Variants in FTO observed in about 807,000 individuals in gnomAD.
The protein encoded by FTO is FTO alpha-ketoglutarate dependent dioxygenase, also known as alpha-ketoglutarate-dependent dioxygenase FTO.
In FTO, 47 loss-of-function variants were observed where a neutral mutation model predicts 63.9. The observed-to-expected ratio is 0.74, with a 90% CI of 0.58 to 0.94. The LOEUF is 0.94. FTO is among the 40% of genes least tolerant of loss of function. The probability of loss-of-function intolerance (pLI) is 0.00; values close to 1 mark genes in which losing one functional copy is unlikely to be tolerated. For synonymous variants in FTO, 207 were observed against 224.4 expected, an observed-to-expected ratio of 0.92 and a Z score of 0.69; for missense variants, 562 against 618.1, an observed-to-expected ratio of 0.91 and a Z score of 0.96.
At chr16:53,853,156 C>G (rs546343352) in intron 4 of FTO, among the ~76,000 whole-genome samples, 3 of 152,036 alleles carry the variant, frequency 2.0e-5, no homozygotes, top group African/African-American at 4.8e-5. Context: ...AGCCAGGTGT[C>G]GTGGCAGGCA....
intron 8 of FTO, among the ~76,000 whole-genome samples, chr16:54,087,901 G>A (rs2144540302): frequency 6.6e-6 from 1 of 152,328 alleles, no homozygotes; most frequent in South Asian, 2.1e-4. Context: ...TTCTTGCTAA[G>A]TTCCCAGAAT....
chr16:54,107,460 CTTGTTT>C (rs2086782565), intron 8 of FTO, among the ~76,000 whole-genome samples: 1 of 152,196 alleles, frequency 6.6e-6, no homozygotes, highest in African/African-American at 2.4e-5. Context: ...CCAGCATTCT[CTTGTTT>C]TCTGGGCAGA....
chr16:53,917,590 G>T (rs935949728), intron 7 of FTO, among the ~76,000 whole-genome samples: 3 of 151,516 alleles, frequency 2.0e-5, no homozygotes, highest in African/African-American at 7.3e-5. Context: ...TGTGTTTTAG[G>T]TAGTCATTGT....
chr16:53,740,278 G>A lies in FTO; in HGVS notation c.45+36049G>A, dbSNP rs140577039. Among the ~76,000 whole-genome samples the A allele has an allele frequency of 1.9e-3, 282 of 152,260 alleles. 2 individuals are homozygous for A. The highest frequency in any genetic ancestry group is 9.1e-3 in the South Asian group (44 of 4,824). On this transcript the variant is annotated intron_variant, in intron 1 of 8. Coordinates refer to ENST00000471389, the MANE Select transcript of FTO (RefSeq NM_001080432.3). ...GTGTAGTTACCTGGGTAGGTGTAGAGTGTATTTTTTTTAAAGAGCAGGACA... is the reference window on the plus strand; with the variant it reads ...GTGTAGTTACCTGGGTAGGTGTAGAATGTATTTTTTTTAAAGAGCAGGACA...
intron 8 of FTO, among the ~76,000 whole-genome samples, chr16:53,936,936 T>C (rs2082404456): frequency 6.6e-6 from 1 of 152,212 alleles, no homozygotes; most frequent in Non-Finnish European, 1.5e-5. Flanking sequence ...GCGATCATAT[T>C]AGGGAGAATT....
intron 8 of FTO, among the ~76,000 whole-genome samples, chr16:53,961,118 G>A (rs2083069214): frequency 6.6e-6 from 1 of 151,888 alleles, no homozygotes; most frequent in Admixed American, 6.6e-5. Context: ...CAGTGTAAAT[G>A]AGAGATCCTG....
intron 4 of FTO, among the ~76,000 whole-genome samples, chr16:53,871,142 A>C (rs2080480795): frequency 6.6e-6 from 1 of 151,994 alleles, no homozygotes; most frequent in Non-Finnish European, 1.5e-5. Context: ...GTTTAGTCTT[A>C]TATCTTTTTT....
chr16:53,786,687 A>C (rs2077748893), intron 1 of FTO, among the ~76,000 whole-genome samples: 1 of 152,212 alleles, frequency 6.6e-6, no homozygotes, highest in South Asian at 2.1e-4. Context: ...GTGGGAGAGC[A>C]TAAAAGCAAA....
intron 8 of FTO, among the ~76,000 whole-genome samples, chr16:54,001,685 T>C (rs1025541097): frequency 1.3e-5 from 2 of 152,218 alleles, no homozygotes; most frequent in Non-Finnish European, 2.9e-5. Context: ...TCTCCAAGCA[T>C]AGGATAGAGC....
intron 8 of FTO, among the ~76,000 whole-genome samples, chr16:54,065,691 G>GATCAAACT (rs1340799971): frequency 2.0e-5 from 3 of 152,176 alleles, no homozygotes; most frequent in Non-Finnish European, 1.5e-5. Context: ...GTCTTCACCA[G>GATCAAACT]ATCAAACTAT....
In FTO at chr16:54,112,084, T is replaced by C. The variant is rs762479617; in HGVS notation, c.*169T>C. 81 of 698,156 alleles carry C rather than the reference T, an allele frequency of 1.2e-4. No individual in the cohort carries two copies. The highest frequency in any genetic ancestry group is 2.3e-4 in the Admixed American group (10 of 43,250). 43.2% of individuals were successfully genotyped at this position (698,156 alleles called of 1,614,324 possible). A position where few individuals can be genotyped will look rare whatever the true frequency, so the allele number is the denominator to read the frequency against. On this transcript the variant is annotated 3_prime_UTR_variant, in exon 9 of 9. Coordinates refer to ENST00000471389, the MANE Select transcript of FTO (RefSeq NM_001080432.3). Reference sequence around the variant, plus strand: ...TGGTGCCCATGAAGTTTTAAATGTTTTAAAATGACCCTGTGTTATAGTCTG... The same window carrying C: ...TGGTGCCCATGAAGTTTTAAATGTTCTAAAATGACCCTGTGTTATAGTCTG...
chr16:53,727,495 G>A (rs1380024694), intron 1 of FTO, among the ~76,000 whole-genome samples: 2 of 152,200 alleles, frequency 1.3e-5, no homozygotes, highest in African/African-American at 4.8e-5. Context: ...ATCTGATCAA[G>A]TCTTAGAAAC....
intron 8 of FTO, among the ~76,000 whole-genome samples, chr16:54,079,825 T>C (rs1192356859): frequency 2.0e-5 from 3 of 152,210 alleles, no homozygotes; most frequent in Non-Finnish European, 2.9e-5. Context: ...CTTCCCATTT[T>C]TCAAGCAGAG....
At chr16:54,023,770 T>C (rs1428670349) in intron 8 of FTO, among the ~76,000 whole-genome samples, 1 of 152,152 alleles carries the variant, frequency 6.6e-6, no homozygotes, top group Non-Finnish European at 1.5e-5. Context: ...TTGAAAATAA[T>C]AGAGAAAAAT....
In FTO at chr16:53,763,671, T is replaced by A. The variant is rs544327227; in HGVS notation, c.46-46469T>A. Among the ~76,000 whole-genome samples the A allele has an allele frequency of 2.6e-5, 4 of 152,326 alleles. No homozygotes were observed. The South Asian group carries it at 8.3e-4, about 32-fold the overall frequency. On this transcript the variant is annotated intron_variant, in intron 1 of 8. Coordinates refer to ENST00000471389, the MANE Select transcript of FTO (RefSeq NM_001080432.3). ...GTCACTTATAAAGTCAAGGTAGTAA[T>A]GTTGGAAGGGAAACTGTAGTGAGAC...
At chr16:53,878,032 C>T (rs962026951) in intron 5 of FTO, among the ~76,000 whole-genome samples, 1 of 152,204 alleles carries the variant, frequency 6.6e-6, no homozygotes, top group African/African-American at 2.4e-5. Context: ...GGTGCAGTGG[C>T]TCATGCCTGT....
At chr16:54,000,559 T>C (rs1215300371) in intron 8 of FTO, among the ~76,000 whole-genome samples, 2 of 152,172 alleles carry the variant, frequency 1.3e-5, no homozygotes, top group Admixed American at 6.5e-5. Context: ...ACAAAGAGAG[T>C]AACTCTGTTG....
chr16:53,826,601 G>A (rs2079012913), intron 3 of FTO, 110 bp downstream of exon 3: 3 of 1,050,420 alleles, frequency 2.9e-6, no homozygotes, highest in South Asian at 1.3e-5. Context: ...ATGTGTGCTT[G>A]CGTGTGTACA....
rs117124698 is a variant in FTO, at chr16:53,934,864, C to T, written c.1364+755C>T. ...GTTGTTACGTGGCGATGACTGTAGC[C>T]TATTTATCAACCCGATTTTTAGGGT... On this transcript the variant is annotated intron_variant, in intron 8 of 8. Transcript: ENST00000471389. Among the ~76,000 whole-genome samples the T allele has an allele frequency of 4.6e-5, 7 of 152,258 alleles. No individual in the cohort carries two copies. In the East Asian group the frequency reaches 1.4e-3, roughly 29 times the overall value.
Sources: allele counts gnomAD v4.1 joint callset (sites outside exome capture counted in the v4.1 genomes callset), GRCh38; gene constraint gnomAD v4.1.1; transcripts MANE v1.5; gene names NCBI Gene and HGNC (gene_info 2026-07-23, HGNC 2026-07-21).